Variants in KRT34 observed in about 807,000 individuals in gnomAD.
KRT34 encodes the protein keratin, type I cuticular Ha4.
KRT34 carries 31 observed loss-of-function variants against 41.7 expected under a neutral mutation model. The ratio of observed to expected loss-of-function variants is 0.74; its 90% CI spans 0.56 to 1.00. The LOEUF (loss-of-function observed/expected upper bound fraction) is 1.00. Ranked by LOEUF, KRT34 falls within the 50% of genes least tolerant of loss-of-function variation. The pLI is 0.00. For missense variants in KRT34, 523 were observed against 500.3 expected (o/e 1.05, Z -0.43); for synonymous variants, 224 against 212.9 (o/e 1.05, Z -0.45).
chr17:41,381,926 G>T lies in KRT34; in HGVS notation c.321C>A (p.Phe107Leu). ...PLLCPSYQSYFKTIEELQQKI... is the reference protein window; with the variant it reads ...PLLCPSYQSYLKTIEELQQKI... ...TCTGCTGGAGCTCCTCAATGGTCTT[G>T]AAGTAGGACTGGTAGCTGGGGCACA... Residue 107 changes from phenylalanine (F) to leucine (L), a missense_variant, in exon 1 of 7, where the codon TTC becomes TTA. By Grantham distance (22) the Phe-to-Leu change is conservative. Coordinates refer to ENST00000394001, the MANE Select transcript of KRT34 (RefSeq NM_001386014.1). 1.2e-6 allele frequency: 2 copies of T among 1,614,278 alleles called. No individual in the cohort carries two copies. Among genetic ancestry groups the T allele is most frequent in the Non-Finnish European group, 1.7e-6 (2 of 1,180,050 alleles).
At chr17:41,379,262 G>A (rs1420709274) in intron 5 of KRT34, 86 bp from the exon 6 acceptor site, 2 of 1,608,586 alleles carry the variant, frequency 1.2e-6, no homozygotes, top group Non-Finnish European at 1.7e-6. Context: ...CAAGCTCCAA[G>A]AGCTAAGGAG....
At position 41,379,016 on chromosome 17, in the gene KRT34, C is replaced by T. The variant is rs374681338; in HGVS notation, c.1037G>A (p.Arg346His). 30 of 1,613,568 alleles carry T rather than the reference C, an allele frequency of 1.9e-5. No homozygotes were observed. Among genetic ancestry groups the T allele is most frequent in the East Asian group, 4.5e-5 (2 of 44,850 alleles). The change falls in exon 6 of 7, where the codon CGT becomes CAT. Residue 346 changes from arginine to histidine, a missense_variant. Coordinates refer to ENST00000394001, the MANE Select transcript of KRT34 (RefSeq NM_001386014.1). Reference protein sequence around the residue: ...NQEYQVLLDVRARLECEINTY... With the variant: ...NQEYQVLLDVHARLECEINTY... ...GTTGATCTCACACTCCAGCCGGGCACGCACGTCCAGCAGCACCTGGTACTC... is the reference window on the plus strand; with the variant it reads ...GTTGATCTCACACTCCAGCCGGGCATGCACGTCCAGCAGCACCTGGTACTC...
upstream of KRT34, among the ~76,000 whole-genome samples, chr17:41,382,958 G>A (rs1003109655): frequency 3.9e-5 from 6 of 152,000 alleles, no homozygotes; most frequent in African/African-American, 1.4e-4. Context: ...TCTGCAAATG[G>A]CAGCCCACAC....
In KRT34 at chr17:41,378,118, T is replaced by C. The variant is rs771588649; in HGVS notation, c.1126A>G (p.Asn376Asp). ...KLPCNPCATT[N>D]ASGNSCGPCG... ...GGTCCACAGGAGTTGCCACTAGCAT[T>C]GGTGGTGGCGCATGGGTTGCAGGGG... Residue 376 changes from asparagine (N) to aspartate (D), a missense_variant, in exon 7 of 7, where the codon AAT (asparagine) becomes GAT (aspartate). Asn to Asp is a conservative substitution (Grantham distance 23). Coordinates refer to ENST00000394001, the MANE Select transcript of KRT34 (RefSeq NM_001386014.1). The C allele has an allele frequency of 2.5e-6, 4 of 1,613,968 alleles. No individual in the cohort carries two copies. Among genetic ancestry groups the C allele is most frequent in the East Asian group, 2.2e-5 (1 of 44,868 alleles).
In KRT34 at chr17:41,377,926, T is replaced by C; in HGVS notation, c.*133A>G. ...CTTGGGTCAGGAAAGCTTTTCAGCA[T>C]TCTAGAAATAACATAGAGGCAAGAT... On this transcript the variant is annotated 3_prime_UTR_variant, in exon 7 of 7. Transcript: ENST00000394001. 1.5e-6 allele frequency: 1 copy of C among 646,374 alleles called. No homozygotes were observed. Among genetic ancestry groups the C allele is most frequent in the Non-Finnish European group, 2.8e-6 (1 of 359,434 alleles). The allele number at this position is 646,374 out of a possible 1,614,324, so 40.0% of individuals were successfully genotyped here. A position where few individuals can be genotyped will look rare whatever the true frequency, so the allele number is the denominator to read the frequency against.
intron 5 of KRT34, 44 bp from the exon 6 acceptor site, chr17:41,379,220 A>G: frequency 6.2e-7 from 1 of 1,612,252 alleles, no homozygotes; most frequent in Non-Finnish European, 8.5e-7. Context: ...TGCTCCTTCA[A>G]AGGGTTTCTT....
rs2017997476 is a variant in KRT34 at position 41,381,995 on chromosome 17, C to G, written c.252G>C (p.Leu84=). 6.2e-7 allele frequency: 1 copy of G among 1,614,128 alleles called. No homozygotes were observed. Among genetic ancestry groups the G allele is most frequent in the Admixed American group, 1.7e-5 (1 of 60,012 alleles). ...GGGACCGCTCCTGGATGAGTTTCTCCAGCTCCGCGTTGTCCCGCTCCAGCT... is the reference window on the plus strand; with the variant it reads ...GGGACCGCTCCTGGATGAGTTTCTCGAGCTCCGCGTTGTCCCGCTCCAGCT... ...VRQLERDNAE[L]EKLIQERSQQ... Residue 84 remains leucine, a synonymous_variant, in exon 1 of 7, where the codon CTG becomes CTC. Transcript: ENST00000394001.
rs764239666 is a variant in KRT34, at chr17:41,379,737, G to A, written c.589-6C>T. ...GAGCGCAGGGTGTTAACCTCCTGTT[G>A]GAGAAAAGGGAAACAATGAACCTAC... On this transcript the variant is annotated splice_polypyrimidine_tract_variant and splice_region_variant and intron_variant, in intron 3 of 6. Coordinates refer to ENST00000394001, the MANE Select transcript of KRT34 (RefSeq NM_001386014.1). 8 of 1,589,496 alleles carry A rather than the reference G, an allele frequency of 5.0e-6. No homozygotes were observed. In the South Asian group the frequency reaches 8.1e-5, roughly 16 times the overall value.
At chr17:41,383,187 T>A (rs2018031298), upstream of KRT34, among the ~76,000 whole-genome samples, 1 of 151,932 alleles carries the variant, frequency 6.6e-6, no homozygotes, top group Admixed American at 6.5e-5. Flanking sequence ...CCCGGCTAAT[T>A]TTTGTGTTTT....
At position 41,377,819 on chromosome 17, in the gene KRT34, G is replaced by T. The variant is rs111516145; in HGVS notation, c.*240C>A. The T allele has an allele frequency of 2.0e-3, 980 of 500,686 alleles. 6 individuals are homozygous for T. Among genetic ancestry groups the T allele is most frequent in the African/African-American group, 0.017 (886 of 53,202 alleles). The allele number at this position is 500,686 out of a possible 1,614,324, so 31.0% of individuals were successfully genotyped here. On this transcript the variant is annotated 3_prime_UTR_variant, in exon 7 of 7. Transcript: ENST00000394001. ...ACTGGAGCTCAGATTACAGGGAGCT[G>T]AACATCTTTAGAAACAAACAGGCTC... is the stretch of plus-strand genomic sequence containing the variant.
chr17:41,383,419 C>A (rs1427108967), upstream of KRT34, among the ~76,000 whole-genome samples: 1 of 152,154 alleles, frequency 6.6e-6, no homozygotes, highest in Non-Finnish European at 1.5e-5. Flanking sequence ...GTGACAGAGA[C>A]TATAGTGTCC....
intron 2 of KRT34, among the ~76,000 whole-genome samples, 174 bp downstream of exon 2, chr17:41,381,539 C>A (rs924288782): frequency 6.6e-6 from 1 of 152,140 alleles, no homozygotes; most frequent in Non-Finnish European, 1.5e-5. Flanking sequence ...CCAAAAAAAA[C>A]CAGTATAGAC....
rs781116002 is a variant in KRT34, at chr17:41,379,553, T to C, written c.750+17A>G. 8.7e-6 allele frequency: 14 copies of C among 1,613,924 alleles called. No homozygotes were observed. The highest frequency in any genetic ancestry group is 1.7e-4 in the Middle Eastern group (1 of 6,058). On this transcript the variant is annotated intron_variant, in intron 4 of 6. Coordinates refer to ENST00000394001, the MANE Select transcript of KRT34 (RefSeq NM_001386014.1). The stretch of plus-strand genomic sequence containing the variant: ...GGGCACCTCGGGTCCTGAGTGGCCA[T>C]GTGCTTAGATGCCCACCTGCGTGGC...
In KRT34 at chr17:41,381,810, C is replaced by A. The variant is rs765049721; in HGVS notation, c.349-15G>T. On this transcript the variant is annotated splice_polypyrimidine_tract_variant and intron_variant, in intron 1 of 6. Coordinates refer to ENST00000394001, the MANE Select transcript of KRT34 (RefSeq NM_001386014.1). The stretch of plus-strand genomic sequence containing the variant: ...GCACACAGAATCTGAAAAGAAATTT[C>A]TCTCATGAGGTACACTTGAACTTGA... 6.8e-6 allele frequency: 11 copies of A among 1,614,204 alleles called. No homozygotes were observed. Among genetic ancestry groups the A allele is most frequent in the Non-Finnish European group, 1.7e-6 (2 of 1,180,006 alleles).
Position 41,379,570 on chromosome 17 carries a change from C to T in KRT34, c.750G>A (p.Gln250=). The part of the protein sequence containing the change: ...RREVEQWFAT[Q]TEELNKQVVS... Reference sequence around the variant, plus strand: ...AGTGGCCATGTGCTTAGATGCCCACCTGCGTGGCGAACCATTGCTCCACTT... The same window carrying T: ...AGTGGCCATGTGCTTAGATGCCCACTTGCGTGGCGAACCATTGCTCCACTT... Residue 250 remains glutamine, a splice_region_variant and synonymous_variant, in exon 4 of 7, where the codon CAG becomes CAA. Coordinates refer to ENST00000394001, the MANE Select transcript of KRT34 (RefSeq NM_001386014.1). 6.2e-7 allele frequency: 1 copy of T among 1,613,868 alleles called. No individual in the cohort carries two copies. Among genetic ancestry groups the T allele is most frequent in the Non-Finnish European group, 8.5e-7 (1 of 1,179,822 alleles).
intron 6 of KRT34, among the ~76,000 whole-genome samples, chr17:41,378,506 G>C (rs975154874): frequency 2.6e-5 from 4 of 152,048 alleles, no homozygotes; most frequent in Non-Finnish European, 4.4e-5. Flanking sequence ...GGCCAGGCTG[G>C]TCTTGAACTC....
upstream of KRT34, among the ~76,000 whole-genome samples, chr17:41,382,959 C>T (rs2018025742): frequency 6.6e-6 from 1 of 151,902 alleles, no homozygotes; most frequent in Non-Finnish European, 1.5e-5. Flanking sequence ...CTGCAAATGG[C>T]AGCCCACACG....
chr17:41,382,407 C>T (rs753842277), upstream of KRT34: 6 of 1,537,582 alleles, frequency 3.9e-6, no homozygotes, highest in East Asian at 1.4e-4. Context: ...TAATTTTTCT[C>T]CAAAATATGC....
At chr17:41,379,950 C>G (rs1454413598) in intron 3 of KRT34, among the ~76,000 whole-genome samples, 3 of 151,774 alleles carry the variant, frequency 2.0e-5, no homozygotes, top group African/African-American at 7.3e-5. Flanking sequence ...GGAAAATGAG[C>G]TTGATGCTGC....
Sources: gnomAD v4.1 joint callset for allele counts (sites outside exome capture counted in the v4.1 genomes callset) on GRCh38, gnomAD v4.1.1 for gene constraint, MANE v1.5 for transcripts, NCBI Gene and HGNC (gene_info 2026-07-23, HGNC 2026-07-21) for gene names.